WWC2: variants seen among roughly 807,000 people sequenced by gnomAD.
The protein encoded by WWC2 is protein WWC2.
A neutral mutation model predicts 138.5 loss-of-function variants in WWC2; 101 were observed. The ratio of observed to expected loss-of-function variants is 0.73; its 90% CI spans 0.62 to 0.86. The LOEUF is 0.86. Ranked by LOEUF, WWC2 falls within the 40% of genes least tolerant of loss-of-function variation. WWC2 has a pLI of 0.00. For missense variants in WWC2, 1,420 were observed against 1,419.4 expected (o/e 1.00, Z -0.01); for synonymous variants, 558 against 538.4 (o/e 1.04, Z -0.50).
chr4:183,280,886 A>G lies in WWC2; in HGVS notation c.2673A>G (p.Pro891=), dbSNP rs1203538005. ...CAGGACAAGAAGAGCCAAGGGGCCC[A>G]GATGGAGACTGGTTAAACACTTATT... ...EESGQEEPRG[P]DGDWLTMLRE... is the part of the protein sequence containing the mutation. The change falls in exon 17 of 23, where the codon CCA becomes CCG. Residue 891 remains proline, a synonymous_variant. Transcript: ENST00000403733. 1.3e-6 allele frequency: 2 copies of G among 1,567,264 alleles called. No individual in the cohort carries two copies. Among genetic ancestry groups the G allele is most frequent in the African/African-American group, 2.7e-5 (2 of 73,846 alleles).
intron 4 of WWC2, among the ~76,000 whole-genome samples, chr4:183,232,648 G>GTTTTA (rs112105948): frequency 0.075 from 11,390 of 151,968 alleles, 1,434 homozygotes; most frequent in African/African-American, 0.26. Flanking sequence ...TATGAATAAA[G>GTTTTA]TTTTATTTTA....
intron 4 of WWC2, among the ~76,000 whole-genome samples, chr4:183,221,672 A>C (rs1735940291): frequency 6.6e-6 from 1 of 152,206 alleles, no homozygotes; most frequent in South Asian, 2.1e-4. Flanking sequence ...AAGAGAGCTC[A>C]TGAGGAACAT....
intron 1 of WWC2, among the ~76,000 whole-genome samples, chr4:183,119,119 T>C (rs1397598588): frequency 1.3e-5 from 2 of 152,196 alleles, no homozygotes; most frequent in East Asian, 3.9e-4. Flanking sequence ...TTGTGCTATT[T>C]AAACTAGCAG....
intron 1 of WWC2, among the ~76,000 whole-genome samples, chr4:183,117,784 G>A (rs1732463515): frequency 6.7e-6 from 1 of 149,074 alleles, no homozygotes; most frequent in African/African-American, 2.5e-5. Context: ...GACCTTGATT[G>A]GGGATCTTTT....
At chr4:183,148,216 A>G (rs1193670904) in intron 1 of WWC2, among the ~76,000 whole-genome samples, 1 of 152,224 alleles carries the variant, frequency 6.6e-6, no homozygotes, top group Non-Finnish European at 1.5e-5. Flanking sequence ...ATAAAGTACT[A>G]ATGAAAAATA....
chr4:183,229,476 A>G (rs1736177463), intron 4 of WWC2, among the ~76,000 whole-genome samples: 1 of 152,010 alleles, frequency 6.6e-6, no homozygotes, highest in African/African-American at 2.4e-5. Flanking sequence ...CAAATAGAGT[A>G]TGGAAAGGAA....
intron 1 of WWC2, among the ~76,000 whole-genome samples, chr4:183,103,957 C>G (rs1743270942): frequency 6.6e-6 from 1 of 151,580 alleles, no homozygotes. Context: ...CTTTCAAAGT[C>G]TAAGTAATTT....
chr4:183,261,620 G>C, intron 11 of WWC2, 88 bp downstream of exon 11: 1 of 1,393,636 alleles, frequency 7.2e-7, no homozygotes, highest in South Asian at 1.6e-5. Context: ...TAAACAAAGG[G>C]TATGATTCCC....
Position 183,099,434 on chromosome 4 carries a change from C to G in WWC2, c.-58C>G, listed in dbSNP as rs1384706782. ...CAGCCTAGCCCGGCAGCCGCGTTCC[C>G]GCCGCGTCCCGCGCCCGGTACCTAT... is the stretch of plus-strand genomic sequence containing the variant. On this transcript the variant is annotated 5_prime_UTR_variant, in exon 1 of 23. Coordinates refer to ENST00000403733, the MANE Select transcript of WWC2 (RefSeq NM_024949.6). The G allele has an allele frequency of 1.3e-5, 16 of 1,198,724 alleles. No individual in the cohort carries two copies. In the South Asian group the frequency reaches 4.2e-4, roughly 32 times the overall value. The allele number at this position is 1,198,724 out of a possible 1,614,324, so 74.3% of individuals were successfully genotyped here. A position where few individuals can be genotyped will look rare whatever the true frequency, so the allele number is the denominator to read the frequency against.
intron 4 of WWC2, among the ~76,000 whole-genome samples, chr4:183,218,543 T>TA (rs1735822500): frequency 6.6e-6 from 1 of 152,240 alleles, no homozygotes; most frequent in Admixed American, 6.5e-5. Context: ...ATATTTGTTA[T>TA]AAAGAATTGG....
intron 21 of WWC2, among the ~76,000 whole-genome samples, chr4:183,297,903 G>A (rs186014745): frequency 3.3e-5 from 5 of 152,308 alleles, no homozygotes; most frequent in African/African-American, 1.2e-4. Flanking sequence ...CTACCCATGT[G>A]CACATATGGC....
chr4:183,277,755 G>GT, intron 16 of WWC2, among the ~76,000 whole-genome samples: 1 of 147,804 alleles, frequency 6.8e-6, no homozygotes, highest in African/African-American at 2.5e-5. Context: ...TTTTTCATGT[G>GT]TTTTTTGGCT....
chr4:183,118,166 T>G (rs775622515), intron 1 of WWC2, among the ~76,000 whole-genome samples: 7 of 152,200 alleles, frequency 4.6e-5, no homozygotes, highest in Non-Finnish European at 1.0e-4. Context: ...AATAGTTTCT[T>G]TCAGTCGATT....
intron 1 of WWC2, among the ~76,000 whole-genome samples, chr4:183,145,819 ATGTAT>A (rs879349074): frequency 6.6e-6 from 1 of 152,184 alleles, no homozygotes; most frequent in Non-Finnish European, 1.5e-5. Context: ...TGATGTTTTT[ATGTAT>A]CATGAAATCT....
At chr4:183,289,352 G>T in intron 20 of WWC2, 41 bp from the exon 21 acceptor site, 6 of 1,592,776 alleles carry the variant, frequency 3.8e-6, no homozygotes, top group Admixed American at 1.7e-5. Context: ...ACCACTGCCT[G>T]TATAACCAGG....
chr4:183,223,494 A>G (rs1426392656), intron 4 of WWC2, among the ~76,000 whole-genome samples: 1 of 152,204 alleles, frequency 6.6e-6, no homozygotes, highest in Non-Finnish European at 1.5e-5. Flanking sequence ...ATTCACCTGT[A>G]AACATTTCAG....
intron 1 of WWC2, among the ~76,000 whole-genome samples, chr4:183,159,823 T>G (rs950775244): frequency 6.6e-6 from 1 of 152,126 alleles, no homozygotes; most frequent in African/African-American, 2.4e-5. Context: ...CCATATGCCT[T>G]ATTTGTATAA....
At chr4:183,124,987 C>T (rs1732717249) in intron 1 of WWC2, among the ~76,000 whole-genome samples, 1 of 152,086 alleles carries the variant, frequency 6.6e-6, no homozygotes, top group Non-Finnish European at 1.5e-5. Flanking sequence ...AAGAAATAGT[C>T]CCAAGAGCAG....
At chr4:183,223,506 A>T (rs368121213) in intron 4 of WWC2, among the ~76,000 whole-genome samples, 29 of 152,338 alleles carry the variant, frequency 1.9e-4, no homozygotes, top group African/African-American at 6.5e-4. Flanking sequence ...ACATTTCAGC[A>T]TGTATTTTTA....
Sources: gnomAD v4.1 joint callset for allele counts (sites outside exome capture counted in the v4.1 genomes callset) on GRCh38, gnomAD v4.1.1 for gene constraint, MANE v1.5 for transcripts, NCBI Gene and HGNC (gene_info 2026-07-23, HGNC 2026-07-21) for gene names.